Variants in NRXN2 observed in about 807,000 individuals in gnomAD.
NRXN2 encodes neurexin 2, also known as neurexin-2-beta.
Under a neutral mutation model 128.8 loss-of-function variants are expected in NRXN2, and 29 were observed. The ratio of observed to expected loss-of-function variants is 0.23; its 90% CI spans 0.17 to 0.31. The LOEUF (loss-of-function observed/expected upper bound fraction) is 0.31, where lower values mean the gene tolerates loss of function less well. Ranked by LOEUF, NRXN2 falls within the 10% of genes least tolerant of loss-of-function variation. The probability of loss-of-function intolerance (pLI) is 1.00; values close to 1 mark genes in which losing one functional copy is unlikely to be tolerated. For synonymous variants in NRXN2, 1,098 were observed against 1,075.2 expected (o/e 1.02, Z -0.41); for missense variants, 1,881 against 2,452.6 (o/e 0.77, Z 4.92).
chr11:64,668,388 G>C, intron 8 of NRXN2, 55 bp downstream of exon 8: 1 of 1,599,566 alleles, frequency 6.3e-7, no homozygotes, highest in Non-Finnish European at 8.5e-7. Context: ...TCACGCTGAA[G>C]ACAGGAGACA....
rs2039837977 is a variant in NRXN2 at position 64,607,579 on chromosome 11, TG to T, written c.4755del (p.Thr1586ArgfsTer15). On this transcript the variant is annotated frameshift_variant, in exon 23 of 23. Transcript: ENST00000265459. LOFTEE classifies it high-confidence loss of function. ...LENPPLGPGA[P>X]TSFEPRRPPP... ...GGGGGCCTCCGCGGCTCAAAGGACG[TG>T]GGGGCCCCGGGCCCCAAGGGCGGGT... is the stretch of plus-strand genomic sequence containing the variant. 1 of 1,528,106 alleles carries T rather than the reference TG, an allele frequency of 6.5e-7. No homozygotes were observed. Among genetic ancestry groups the T allele is most frequent in the Non-Finnish European group, 8.8e-7 (1 of 1,142,316 alleles). 94.7% of individuals were successfully genotyped at this position (1,528,106 alleles called of 1,614,324 possible). A position where few individuals can be genotyped will look rare whatever the true frequency, so the allele number is the denominator to read the frequency against.
chr11:64,607,241 C>A lies in NRXN2; in HGVS notation c.5094G>T (p.Thr1698=). 1.2e-6 allele frequency: 2 copies of A among 1,613,882 alleles called. No individual in the cohort carries two copies. The highest frequency in any genetic ancestry group is 1.1e-5 in the South Asian group (1 of 91,056). The change falls in exon 23 of 23, where the codon ACG becomes ACT. Residue 1698 remains threonine, a synonymous_variant. Coordinates refer to ENST00000265459, the MANE Select transcript of NRXN2 (RefSeq NM_015080.4). ...CTTTGTTCTTCTTGGCCTTGCTGGG[C>A]GTCTTGGGGGCAGCCGGGGCCTTCT... The part of the protein sequence containing the change: ...VKEKAPAAPK[T]PSKAKKNKDK...
chr11:64,621,400 G>C (rs373474406), intron 21 of NRXN2, among the ~76,000 whole-genome samples: 1 of 152,118 alleles, frequency 6.6e-6, no homozygotes, highest in Non-Finnish European at 1.5e-5. Context: ...ACCCAGCCTT[G>C]GGTAGAGCCC....
chr11:64,624,458 G>C (rs1457307505), intron 20 of NRXN2, among the ~76,000 whole-genome samples: 1 of 152,224 alleles, frequency 6.6e-6, no homozygotes, highest in Non-Finnish European at 1.5e-5. Flanking sequence ...ATGGCCAAGA[G>C]GCCAAGAGGC....
intron 15 of NRXN2, among the ~76,000 whole-genome samples, chr11:64,649,354 C>A (rs1303515132): frequency 6.6e-6 from 1 of 152,296 alleles, no homozygotes; most frequent in East Asian, 1.9e-4. Context: ...AAGCCCAGCT[C>A]CCTTCCCCCA....
chr11:64,699,870 C>T (rs908462671), intron 2 of NRXN2, among the ~76,000 whole-genome samples: 1 of 152,180 alleles, frequency 6.6e-6, no homozygotes, highest in Non-Finnish European at 1.5e-5. Context: ...ACAATTGTCT[C>T]ACCAGCACCT....
At chr11:64,650,733 G>T (rs1274881697) in intron 14 of NRXN2, 95 bp from the exon 15 acceptor site, 3 of 1,218,620 alleles carry the variant, frequency 2.5e-6, no homozygotes, top group Non-Finnish European at 3.6e-6. Context: ...GGTCCTAGGT[G>T]CCATGGGAAG....
intron 1 of NRXN2, 59 bp downstream of exon 1, chr11:64,722,912 C>G (rs2057473090): frequency 7.3e-6 from 1 of 137,074 alleles, no homozygotes; most frequent in African/African-American, 2.8e-5. Flanking sequence ...CTCCCCTCCC[C>G]CGATCGGCTC....
At chr11:64,661,588 T>A (rs1412767760) in intron 9 of NRXN2, among the ~76,000 whole-genome samples, 1 of 152,194 alleles carries the variant, frequency 6.6e-6, no homozygotes, top group Non-Finnish European at 1.5e-5. Flanking sequence ...AAGGAGTTTT[T>A]TCCCCCCACA....
At chr11:64,697,124 C>G (rs981597261) in intron 3 of NRXN2, among the ~76,000 whole-genome samples, 1 of 152,134 alleles carries the variant, frequency 6.6e-6, no homozygotes, top group Non-Finnish European at 1.5e-5. Context: ...CACACCCCAC[C>G]CTTGCCCTCC....
chr11:64,680,218 G>C (rs1438460944), intron 6 of NRXN2, among the ~76,000 whole-genome samples: 1 of 152,182 alleles, frequency 6.6e-6, no homozygotes, highest in Non-Finnish European at 1.5e-5. Context: ...TATGAGTGTA[G>C]CTCCAGCCCT....
At chr11:64,668,383 C>A (rs951034212) in intron 8 of NRXN2, 60 bp downstream of exon 8, 3 of 1,602,896 alleles carry the variant, frequency 1.9e-6, no homozygotes, top group Non-Finnish European at 2.6e-6. Flanking sequence ...CTAAGTCACG[C>A]TGAAGACAGG....
chr11:64,677,861 G>A (rs573157746), intron 6 of NRXN2, among the ~76,000 whole-genome samples: 23 of 152,312 alleles, frequency 1.5e-4, no homozygotes, highest in African/African-American at 4.3e-4. Context: ...TGGCCATGCC[G>A]GGTTAATGGA....
At chr11:64,614,438 T>G (rs1390228258) in intron 22 of NRXN2, among the ~76,000 whole-genome samples, 1 of 152,208 alleles carries the variant, frequency 6.6e-6, no homozygotes, top group Non-Finnish European at 1.5e-5. Context: ...GCTATCATGC[T>G]ACAGCACCCC....
intron 5 of NRXN2, chr11:64,688,715 G>A: frequency 1.0e-6 from 1 of 985,396 alleles, no homozygotes; most frequent in Non-Finnish European, 1.2e-6. Flanking sequence ...CAGTTGGGGA[G>A]TCTGTAGCCC....
chr11:64,648,410 T>C lies in NRXN2; in HGVS notation c.3284-72A>G, dbSNP rs1332057262. On this transcript the variant is annotated intron_variant, in intron 16 of 22. Transcript: ENST00000265459. This position sits in a 1 kb window ranked among gnomAD's most constrained non-coding sequence, Gnocchi z 4.1. ...CTCTTTCCCCAGGAGGTGTGGAAGC[T>C]TCAGAGCCAGGCAGAGAGGTCCTAC... is the stretch of plus-strand genomic sequence containing the variant. The C allele has an allele frequency of 3.7e-6, 6 of 1,610,658 alleles. No individual in the cohort carries two copies. The Admixed American group carries it at 8.3e-5, about 22-fold the overall frequency.
In NRXN2 at chr11:64,651,682, G is replaced by C; in HGVS notation, c.2537-46C>G. On this transcript the variant is annotated intron_variant, in intron 13 of 22. Transcript: ENST00000265459. The surrounding 1 kb of genome is among the most constrained non-coding windows in gnomAD (Gnocchi z 5.9). ...AGATGAGGGGGATGGCTTTGGGGCA[G>C]GGCTGGGGCTTGGGTTCCCAGGAGC... The C allele has an allele frequency of 6.2e-7, 1 of 1,606,600 alleles. No homozygotes were observed. Among genetic ancestry groups the C allele is most frequent in the Non-Finnish European group, 8.5e-7 (1 of 1,176,774 alleles).
At chr11:64,719,395 G>A (rs1014841862) in intron 1 of NRXN2, among the ~76,000 whole-genome samples, 1 of 152,212 alleles carries the variant, frequency 6.6e-6, no homozygotes, top group African/African-American at 2.4e-5. Context: ...CTGGTCAATT[G>A]TCCTGACTCA....
intron 17 of NRXN2, among the ~76,000 whole-genome samples, chr11:64,641,789 G>A (rs899337066): frequency 3.9e-5 from 6 of 152,052 alleles, no homozygotes; most frequent in African/African-American, 1.2e-4. Context: ...GCCTGGAAAC[G>A]GGAAGTGCTG....
Sources: allele counts gnomAD v4.1 joint callset (sites outside exome capture counted in the v4.1 genomes callset), GRCh38; gene constraint gnomAD v4.1.1; non-coding constraint Gnocchi (gnomAD v3.1); transcripts MANE v1.5; gene names NCBI Gene and HGNC (gene_info 2026-07-23, HGNC 2026-07-21).